CDK17: variants seen among roughly 807,000 people sequenced by gnomAD.
The protein encoded by CDK17 is cyclin dependent kinase 17, also known as cyclin-dependent kinase 17.
Under a neutral mutation model 77.6 loss-of-function variants are expected in CDK17, and 24 were observed. The ratio of observed to expected loss-of-function variants is 0.31; its 90% CI spans 0.22 to 0.44. The LOEUF is 0.44. Ranked by LOEUF, CDK17 falls within the 20% of genes least tolerant of loss-of-function variation. CDK17 has a pLI of 1.00. For missense variants in CDK17, 429 were observed against 622.5 expected, an observed-to-expected ratio of 0.69 and a Z score of 3.31; for synonymous variants, 203 against 210.4, an observed-to-expected ratio of 0.96 and a Z score of 0.30.
At chr12:96,361,560 ATATT>A (rs1397359294) in intron 1 of CDK17, among the ~76,000 whole-genome samples, 1 of 152,222 alleles carries the variant, frequency 6.6e-6, no homozygotes, top group African/African-American at 2.4e-5. Context: ...TATTTTGCAA[ATATT>A]TAGAGTTACA....
intron 1 of CDK17, among the ~76,000 whole-genome samples, chr12:96,389,849 GA>G (rs1329171219): frequency 1.6e-5 from 2 of 122,500 alleles, no homozygotes; most frequent in African/African-American, 6.2e-5. Flanking sequence ...TTTTTTTTTT[GA>G]GAGGAAGTCT....
At chr12:96,295,706 G>C (rs889755876) in intron 9 of CDK17, among the ~76,000 whole-genome samples, 3 of 152,038 alleles carry the variant, frequency 2.0e-5, no homozygotes, top group Non-Finnish European at 2.9e-5. Flanking sequence ...CCATCTCTTG[G>C]GTACTTTACT....
chr12:96,322,451 T>C (rs1455607367), intron 3 of CDK17, among the ~76,000 whole-genome samples: 1 of 151,104 alleles, frequency 6.6e-6, no homozygotes, highest in African/African-American at 2.4e-5. Context: ...GGAGACTGTA[T>C]GCCCATAAAA....
rs1303498224 is a variant in CDK17, at chr12:96,371,999, G to GT, written c.-30+27986dup. On this transcript the variant is annotated intron_variant, in intron 1 of 16. Transcript: ENST00000261211. The stretch of plus-strand genomic sequence containing the variant: ...ACGGAGAGAGAGAGACAGTGTGTGA[G>GT]TGAGTGTGTGTTTGTGTGTGTGTGT... Among the ~76,000 whole-genome samples, 3 of 42,566 alleles carry GT rather than the reference G, an allele frequency of 7.0e-5. No homozygotes were observed. In the East Asian group the frequency reaches 2.1e-3, roughly 30 times the overall value. The allele number at this position is 42,566 out of a possible 152,430, so 27.9% of individuals were successfully genotyped here. A position where few individuals can be genotyped will look rare whatever the true frequency, so the allele number is the denominator to read the frequency against.
intron 3 of CDK17, among the ~76,000 whole-genome samples, chr12:96,323,274 A>AC (rs1327633850): frequency 7.1e-6 from 1 of 141,274 alleles, no homozygotes; most frequent in African/African-American, 2.5e-5. Context: ...CTTCTAAAAA[A>AC]AAAAAAAAAA....
At chr12:96,393,496 G>C (rs559354360) in intron 1 of CDK17, among the ~76,000 whole-genome samples, 3 of 152,222 alleles carry the variant, frequency 2.0e-5, no homozygotes, top group South Asian at 4.1e-4. Flanking sequence ...ACTTTGGGAG[G>C]CTGAGGCAGG....
chr12:96,351,663 C>A (rs1277325435), intron 1 of CDK17, among the ~76,000 whole-genome samples: 3 of 152,150 alleles, frequency 2.0e-5, no homozygotes, highest in African/African-American at 7.2e-5. Context: ...ACTAAAATGG[C>A]AAATTTTGTT....
chr12:96,294,883 C>T, intron 10 of CDK17, 116 bp downstream of exon 10: 1 of 819,408 alleles, frequency 1.2e-6, no homozygotes, highest in Non-Finnish European at 1.9e-6. Context: ...CTGTGGGCTA[C>T]CGAGAAAATT....
intron 2 of CDK17, among the ~76,000 whole-genome samples, chr12:96,327,479 T>TA (rs1335343310): frequency 6.6e-6 from 1 of 152,154 alleles, no homozygotes; most frequent in East Asian, 1.9e-4. Flanking sequence ...ACTGCTAAAT[T>TA]AGTTTCACAC....
intron 1 of CDK17, among the ~76,000 whole-genome samples, chr12:96,372,919 T>G (rs1029276569): frequency 1.3e-5 from 2 of 152,192 alleles, no homozygotes; most frequent in African/African-American, 2.4e-5. Flanking sequence ...AGAATATTGT[T>G]TGGGCTATCT....
intron 3 of CDK17, among the ~76,000 whole-genome samples, chr12:96,318,239 G>A (rs1243216474): frequency 2.0e-5 from 3 of 152,004 alleles, no homozygotes; most frequent in Admixed American, 2.0e-4. Context: ...AATTCAACAG[G>A]AGGAGCTAAC....
intron 1 of CDK17, among the ~76,000 whole-genome samples, chr12:96,363,201 A>G (rs369387773): frequency 6.6e-6 from 1 of 152,208 alleles, no homozygotes; most frequent in Non-Finnish European, 1.5e-5. Context: ...CTGTAATCCC[A>G]GCACTTTGGG....
intron 1 of CDK17, among the ~76,000 whole-genome samples, chr12:96,362,089 T>C (rs554536610): frequency 1.3e-5 from 2 of 152,196 alleles, no homozygotes; most frequent in Admixed American, 6.5e-5. Context: ...GAATATAGCA[T>C]TACTGAATAA....
At chr12:96,336,576 T>C (rs1039678193) in intron 1 of CDK17, among the ~76,000 whole-genome samples, 1 of 152,192 alleles carries the variant, frequency 6.6e-6, no homozygotes, top group African/African-American at 2.4e-5. Flanking sequence ...TAAGGACTCT[T>C]TTCACCCACA....
intron 1 of CDK17, among the ~76,000 whole-genome samples, chr12:96,381,594 T>A (rs1396103906): frequency 1.3e-5 from 2 of 151,850 alleles, no homozygotes; most frequent in Non-Finnish European, 2.9e-5. Context: ...TAGATCTACA[T>A]TTTTTTGCCT....
rs943154135 is a variant in CDK17, at chr12:96,312,011, G to C, written c.418-834C>G. The stretch of plus-strand genomic sequence containing the variant: ...TGTATATGGGGGAGGGATACAGAAA[G>C]AAGTCTTTCCAGATATTAAAATATA... On this transcript the variant is annotated intron_variant, in intron 4 of 16. Transcript: ENST00000261211. 3.3e-5 allele frequency among the ~76,000 whole-genome samples: 5 copies of C among 152,154 alleles called. No individual in the cohort carries two copies. The South Asian group carries it at 1.0e-3, about 32-fold the overall frequency.
At chr12:96,328,578 G>A (rs1017485464) in intron 2 of CDK17, among the ~76,000 whole-genome samples, 52 of 152,128 alleles carry the variant, frequency 3.4e-4, no homozygotes, top group Admixed American at 3.3e-3. Flanking sequence ...AAGTAAAGGA[G>A]AGAAAAGAAT....
intron 3 of CDK17, among the ~76,000 whole-genome samples, chr12:96,318,531 T>C (rs927409483): frequency 5.5e-5 from 8 of 144,548 alleles, no homozygotes; most frequent in African/African-American, 1.3e-4. Flanking sequence ...TATTCCAAAA[T>C]TGACCACATA....
At chr12:96,312,340 G>A (rs1377676727) in intron 4 of CDK17, among the ~76,000 whole-genome samples, 1 of 151,952 alleles carries the variant, frequency 6.6e-6, no homozygotes, top group East Asian at 1.9e-4. Flanking sequence ...CCTTGGTGGT[G>A]GGGAAACAAA....
Sources: allele counts gnomAD v4.1 joint callset (sites outside exome capture counted in the v4.1 genomes callset), GRCh38; gene constraint gnomAD v4.1.1; transcripts MANE v1.5; gene names NCBI Gene and HGNC (gene_info 2026-07-23, HGNC 2026-07-21).